The following NFIC variants were observed in gnomAD, a reference collection of about 807,000 sequenced individuals.
NFIC encodes nuclear factor I C.
Under a neutral mutation model 54.4 loss-of-function variants are expected in NFIC, and 12 were observed. The ratio of observed to expected loss-of-function variants is 0.22; its 90% CI spans 0.14 to 0.36. The LOEUF (loss-of-function observed/expected upper bound fraction) is 0.36, where lower values mean the gene tolerates loss of function less well. NFIC is among the 10% of genes least tolerant of loss of function. NFIC has a pLI of 1.00. For synonymous variants in NFIC, 322 were observed against 319.2 expected (o/e 1.01, Z -0.09); for missense variants, 575 against 718.2 (o/e 0.80, Z 2.28).
intron 3 of NFIC, among the ~76,000 whole-genome samples, chr19:3,426,582 G>C (rs961364759): frequency 6.6e-6 from 1 of 152,022 alleles, no homozygotes; most frequent in Non-Finnish European, 1.5e-5. Context: ...CCTCCTCTGC[G>C]CACAGCCATC....
intron 2 of NFIC, among the ~76,000 whole-genome samples, chr19:3,385,395 G>A (rs1438920687): frequency 2.0e-5 from 3 of 152,124 alleles, no homozygotes; most frequent in Non-Finnish European, 4.4e-5. Flanking sequence ...TGTGGGAAAT[G>A]TCAAGTGCCC....
rs548744070 is a variant in NFIC, at chr19:3,418,412, G to A, written c.563-6694G>A. On this transcript the variant is annotated intron_variant, in intron 2 of 10. Transcript: ENST00000443272. ...ACGCCCCGCCTAATTTTATTTCAGCGTAGCTAACTTAAATGTAAAAAGTCA... is the reference window on the plus strand; with the variant it reads ...ACGCCCCGCCTAATTTTATTTCAGCATAGCTAACTTAAATGTAAAAAGTCA... Among the ~76,000 whole-genome samples, 71 of 152,212 alleles carry A rather than the reference G, an allele frequency of 4.7e-4. 1 individual carries two copies. The highest frequency in any genetic ancestry group is 2.0e-3 in the Admixed American group (31 of 15,252).
chr19:3,391,668 G>A (rs939070453), intron 2 of NFIC, among the ~76,000 whole-genome samples: 4 of 151,614 alleles, frequency 2.6e-5, no homozygotes, highest in Admixed American at 6.6e-5. Context: ...ATGGTGGCGC[G>A]TGCCTGTAAT....
At chr19:3,383,496 T>G (rs1337765227) in intron 2 of NFIC, among the ~76,000 whole-genome samples, 1 of 152,208 alleles carries the variant, frequency 6.6e-6, no homozygotes, top group African/African-American at 2.4e-5. Flanking sequence ...GTGGCCCTCT[T>G]GGACTTCAGT....
At chr19:3,443,173 C>T (rs1285270469) in intron 6 of NFIC, among the ~76,000 whole-genome samples, 4 of 152,194 alleles carry the variant, frequency 2.6e-5, no homozygotes, top group Non-Finnish European at 4.4e-5. Context: ...GTGGCTCACA[C>T]CTGTAATCCC....
intron 2 of NFIC, among the ~76,000 whole-genome samples, chr19:3,403,442 TCTA>T (rs758152406): frequency 3.3e-5 from 5 of 152,210 alleles, no homozygotes; most frequent in Non-Finnish European, 5.9e-5. Flanking sequence ...CAACTTGACA[TCTA>T]CTTTTTGCAG....
At chr19:3,436,171 G>A (rs905456165) in intron 6 of NFIC, among the ~76,000 whole-genome samples, 2 of 142,606 alleles carry the variant, frequency 1.4e-5, no homozygotes, top group African/African-American at 5.5e-5. Context: ...TTGAAACGGA[G>A]TCTCGGTCTG....
rs2082476167 is a variant in NFIC at position 3,452,255 on chromosome 19, A to C, written c.1085-227A>C. Among the ~76,000 whole-genome samples, 1 of 152,130 alleles carries C rather than the reference A, an allele frequency of 6.6e-6. No homozygotes were observed. The highest frequency in any genetic ancestry group is 2.1e-4 in the South Asian group (1 of 4,816). Reference sequence around the variant, plus strand: ...ACCCCCACCTCTACAAAACTAAAAAATTAAATTAAAACACAAGGATAATAT... The same window carrying C: ...ACCCCCACCTCTACAAAACTAAAAACTTAAATTAAAACACAAGGATAATAT... On this transcript the variant is annotated intron_variant, in intron 7 of 10. Transcript: ENST00000443272. The surrounding 1 kb of genome is among the most constrained non-coding windows in gnomAD (Gnocchi z 5.3).
intron 2 of NFIC, among the ~76,000 whole-genome samples, chr19:3,398,651 T>C (rs72974723): frequency 1.4e-3 from 218 of 152,246 alleles, no homozygotes; most frequent in Non-Finnish European, 2.7e-3. Flanking sequence ...CTGTACCCTG[T>C]GACAGCTCCG....
rs994021515 is a variant in NFIC at position 3,453,407 on chromosome 19, T to C, written c.1270-356T>C. 6.6e-6 allele frequency among the ~76,000 whole-genome samples: 1 copy of C among 152,164 alleles called. No individual in the cohort carries two copies. The highest frequency in any genetic ancestry group is 2.4e-5 in the African/African-American group (1 of 41,436). ...GGGCCAGGCCGTGGATGATGGTGGA[T>C]GATGGCGTGCTCGCAGTGAATTAGG... On this transcript the variant is annotated intron_variant, in intron 8 of 10. Transcript: ENST00000443272. The surrounding 1 kb of genome is among the most constrained non-coding windows in gnomAD (Gnocchi z 6.7).
At position 3,425,130 on chromosome 19, in the gene NFIC, G is replaced by C; in HGVS notation, c.587G>C (p.Arg196Pro). ...GATGCAGAGCAAAGCGGCAGTCCCC[G>C]GACAGGGATGGGCTCTGACCAGGAG... ...ERDAEQSGSP[R>P]TGMGSDQEDS... The change falls in exon 3 of 11, where the codon CGG becomes CCG. Residue 196 changes from arginine (R) to proline (P), a missense_variant. Arg to Pro is a moderately radical substitution (Grantham distance 103). Around this residue, in one of 3 missense-constraint regions of NFIC, gnomAD observed 447 missense variants for 526.9 expected, o/e 0.85. Transcript: ENST00000443272. 1 of 1,613,156 alleles carries C rather than the reference G, an allele frequency of 6.2e-7. No homozygotes were observed. The highest frequency in any genetic ancestry group is 1.1e-5 in the South Asian group (1 of 91,036).
At chr19:3,372,878 T>G (rs1368680254) in intron 1 of NFIC, among the ~76,000 whole-genome samples, 1 of 151,592 alleles carries the variant, frequency 6.6e-6, no homozygotes, top group Non-Finnish European at 1.5e-5. Context: ...AGAGTCTCGC[T>G]CTGTCGCCCA....
At chr19:3,378,861 G>C (rs1189825732) in intron 1 of NFIC, among the ~76,000 whole-genome samples, 2 of 152,130 alleles carry the variant, frequency 1.3e-5, no homozygotes, top group East Asian at 3.9e-4. Flanking sequence ...AAAGGAGGGA[G>C]AGGACTCCAC....
chr19:3,434,201 T>C (rs973960499), intron 4 of NFIC, 76 bp from the exon 5 acceptor site: 7 of 1,524,338 alleles, frequency 4.6e-6, no homozygotes, highest in Non-Finnish European at 2.6e-6. Flanking sequence ...ACCCAGTGGC[T>C]TTCCCTACCT....
chr19:3,442,749 A>T (rs2082313290), intron 6 of NFIC, among the ~76,000 whole-genome samples: 1 of 151,784 alleles, frequency 6.6e-6, no homozygotes, highest in Admixed American at 6.6e-5. Context: ...GGAGGGACAG[A>T]GTTGGGTTCC....
chr19:3,450,654 CAAAAA>C (rs200945320), intron 7 of NFIC, among the ~76,000 whole-genome samples: 8 of 149,968 alleles, frequency 5.3e-5, no homozygotes, highest in African/African-American at 2.0e-4. Context: ...GACTCCATCT[CAAAAA>C]AAAACAAAAC....
At chr19:3,421,905 C>T (rs2081958989) in intron 2 of NFIC, among the ~76,000 whole-genome samples, 1 of 152,124 alleles carries the variant, frequency 6.6e-6, no homozygotes, top group African/African-American at 2.4e-5. Flanking sequence ...GCTGGGACTA[C>T]AGGTGCCTGC....
At chr19:3,462,065 A>AATAAT (rs2082648792) in intron 10 of NFIC, among the ~76,000 whole-genome samples, 1 of 151,136 alleles carries the variant, frequency 6.6e-6, no homozygotes, top group South Asian at 2.1e-4. Flanking sequence ...TAAATAAATA[A>AATAAT]ATAATATAAT....
chr19:3,382,374 G>T (rs2081226051), intron 2 of NFIC, 131 bp downstream of exon 2: 1 of 1,327,038 alleles, frequency 7.5e-7, no homozygotes, highest in Non-Finnish European at 1.0e-6. Context: ...AGGGGAAGTG[G>T]GCCTTGGAGA....
Sources: gnomAD v4.1 joint callset for allele counts (sites outside exome capture counted in the v4.1 genomes callset) on GRCh38, gnomAD v4.1.1 for gene constraint, gnomAD v4.1.1 regional missense constraint, Gnocchi (gnomAD v3.1) non-coding constraint, MANE v1.5 for transcripts, NCBI Gene and HGNC (gene_info 2026-07-23, HGNC 2026-07-21) for gene names.